CACNA2D3: variants seen among roughly 807,000 people sequenced by gnomAD.
CACNA2D3 encodes calcium voltage-gated channel auxiliary subunit alpha2delta 3.
Under a neutral mutation model 160.6 loss-of-function variants are expected in CACNA2D3, and 60 were observed. That is an observed-to-expected ratio of 0.37 (90% CI 0.30 to 0.46). The LOEUF (loss-of-function observed/expected upper bound fraction) is 0.46, where lower values mean the gene tolerates loss of function less well. CACNA2D3 is among the 20% of genes least tolerant of loss of function. CACNA2D3 has a pLI of 1.00. For missense variants in CACNA2D3, 1,205 were observed against 1,365.0 expected, an observed-to-expected ratio of 0.88 and a Z score of 1.85; for synonymous variants, 558 against 492.9, an observed-to-expected ratio of 1.13 and a Z score of -1.75.
intron 27 of CACNA2D3, among the ~76,000 whole-genome samples, chr3:54,944,545 T>C (rs1701560867): frequency 6.6e-6 from 1 of 152,028 alleles, no homozygotes; most frequent in South Asian, 2.1e-4. Context: ...GTCAGCCTCC[T>C]GAGTAGCTGG....
chr3:54,736,482 T>A (rs1192494259), intron 11 of CACNA2D3, among the ~76,000 whole-genome samples: 1 of 152,168 alleles, frequency 6.6e-6, no homozygotes, highest in African/African-American at 2.4e-5. Flanking sequence ...TTTAAAATAT[T>A]TAATAGATGT....
intron 27 of CACNA2D3, among the ~76,000 whole-genome samples, chr3:54,952,181 T>C (rs1282518525): frequency 6.6e-6 from 1 of 152,196 alleles, no homozygotes. Flanking sequence ...CCTGCACCCC[T>C]GTTGGTTCTA....
intron 11 of CACNA2D3, among the ~76,000 whole-genome samples, chr3:54,653,904 G>A (rs1559540259): frequency 6.6e-6 from 1 of 152,110 alleles, no homozygotes; most frequent in Non-Finnish European, 1.5e-5. Flanking sequence ...CTAGTAAATG[G>A]CTATCTAGGT....
chr3:54,602,490 T>A (rs1703078823), intron 9 of CACNA2D3, among the ~76,000 whole-genome samples: 2 of 109,102 alleles, frequency 1.8e-5, no homozygotes, highest in Non-Finnish European at 1.7e-5. Context: ...AGAGCGAGAT[T>A]CCATCTCAAA....
At chr3:54,534,285 T>A (rs1701852120) in intron 5 of CACNA2D3, among the ~76,000 whole-genome samples, 1 of 152,238 alleles carries the variant, frequency 6.6e-6, no homozygotes, top group Non-Finnish European at 1.5e-5. Context: ...TTAAAATTTT[T>A]AAAATTGACA....
intron 13 of CACNA2D3, among the ~76,000 whole-genome samples, chr3:54,778,913 G>C (rs1222772382): frequency 6.6e-6 from 1 of 152,140 alleles, no homozygotes; most frequent in East Asian, 1.9e-4. Flanking sequence ...TTCTCTCTCA[G>C]GTACCCAGCA....
chr3:54,687,307 AT>A (rs35541501), intron 11 of CACNA2D3, among the ~76,000 whole-genome samples: 27,458 of 127,868 alleles, frequency 0.21, 2,767 homozygotes, highest in South Asian at 0.29. Flanking sequence ...AGCCTGGCTA[AT>A]TTTTTTTTTT....
chr3:54,855,198 T>G (rs1699142298), intron 17 of CACNA2D3, among the ~76,000 whole-genome samples: 2 of 152,034 alleles, frequency 1.3e-5, no homozygotes, highest in Admixed American at 1.3e-4. Flanking sequence ...TCACAGGAAA[T>G]GGAGAGAGGG....
chr3:54,397,513 G>T (rs1233142967), intron 4 of CACNA2D3, among the ~76,000 whole-genome samples: 7 of 136,528 alleles, frequency 5.1e-5, no homozygotes, highest in South Asian at 5.5e-4. Flanking sequence ...TCTGGTATGT[G>T]GTGTCTTTGT....
At chr3:54,972,337 T>G (rs552429934) in intron 29 of CACNA2D3, among the ~76,000 whole-genome samples, 15 of 152,368 alleles carry the variant, frequency 9.8e-5, no homozygotes, top group African/African-American at 3.4e-4. Flanking sequence ...TCTTAAATTT[T>G]GGTTCCAGGC....
intron 4 of CACNA2D3, among the ~76,000 whole-genome samples, chr3:54,429,877 C>T (rs9882299): frequency 0.25 from 38,027 of 151,812 alleles, 4,821 homozygotes; most frequent in Admixed American, 0.32. Flanking sequence ...ATTTAACATC[C>T]GTGAAATAAG....
chr3:54,244,899 C>A (rs1383947710), intron 2 of CACNA2D3, among the ~76,000 whole-genome samples: 2 of 152,184 alleles, frequency 1.3e-5, no homozygotes, highest in African/African-American at 4.8e-5. Context: ...TTGTTCATAT[C>A]CTCTGGGATC....
At chr3:54,786,307 T>C (rs1466820477) in intron 13 of CACNA2D3, among the ~76,000 whole-genome samples, 5 of 152,234 alleles carry the variant, frequency 3.3e-5, no homozygotes, top group South Asian at 2.1e-4. Flanking sequence ...CACAGTACCA[T>C]ACAAATGGTA....
At chr3:54,686,135 A>G (rs759684504) in intron 11 of CACNA2D3, among the ~76,000 whole-genome samples, 2 of 152,248 alleles carry the variant, frequency 1.3e-5, no homozygotes, top group African/African-American at 2.4e-5. Context: ...CTAAAATACA[A>G]TCTGTGGGCC....
chr3:54,894,786 C>A (rs947149445), intron 25 of CACNA2D3: 15 of 418,960 alleles, frequency 3.6e-5, no homozygotes, highest in Admixed American at 3.1e-4. Flanking sequence ...GCTAAAATTT[C>A]AGTATTCCTG....
chr3:54,764,791 T>C (rs1032753301), intron 13 of CACNA2D3, among the ~76,000 whole-genome samples: 2 of 152,184 alleles, frequency 1.3e-5, no homozygotes, highest in African/African-American at 4.8e-5. Flanking sequence ...GAGGCTACAG[T>C]TGCATTTTCT....
chr3:55,043,443 G>C (rs1173732774), intron 35 of CACNA2D3, among the ~76,000 whole-genome samples: 1 of 150,002 alleles, frequency 6.7e-6, no homozygotes, highest in Non-Finnish European at 1.5e-5. Flanking sequence ...AATTCCTTGT[G>C]ATCTACATCT....
intron 13 of CACNA2D3, among the ~76,000 whole-genome samples, chr3:54,798,836 C>A (rs892310412): frequency 3.3e-4 from 50 of 152,196 alleles, no homozygotes; most frequent in Non-Finnish European, 7.3e-5. Flanking sequence ...TCCAGCTGGT[C>A]ACATGTTCTG....
chr3:54,127,872 C>G (rs1699626845), intron 2 of CACNA2D3, among the ~76,000 whole-genome samples: 1 of 152,134 alleles, frequency 6.6e-6, no homozygotes, highest in Non-Finnish European at 1.5e-5. Flanking sequence ...TTACTCATGA[C>G]CACTTGCTAA....
Sources: gnomAD v4.1 joint callset for allele counts (sites outside exome capture counted in the v4.1 genomes callset) on GRCh38, gnomAD v4.1.1 for gene constraint, MANE v1.5 for transcripts, NCBI Gene and HGNC (gene_info 2026-07-23, HGNC 2026-07-21) for gene names.